FECH: variants seen among roughly 807,000 people sequenced by gnomAD.
FECH encodes the protein ferrochelatase, also known as ferrochelatase, mitochondrial.
Under a neutral mutation model 56.9 loss-of-function variants are expected in FECH, and 40 were observed. That is an observed-to-expected ratio of 0.70 (90% CI 0.55 to 0.92). The LOEUF is 0.92. FECH is among the 40% of genes least tolerant of loss of function. The pLI is 0.00. For missense variants in FECH, 431 were observed against 529.1 expected (o/e 0.81, Z 1.82); for synonymous variants, 175 against 198.6 (o/e 0.88, Z 1.00).
At chr18:57,569,250 A>G (rs2051061516) in intron 4 of FECH, among the ~76,000 whole-genome samples, 1 of 152,232 alleles carries the variant, frequency 6.6e-6, no homozygotes, top group Non-Finnish European at 1.5e-5. Context: ...ACATTTCTGC[A>G]ATGCAATGTA....
At chr18:57,557,555 G>A (rs1235506381) in intron 7 of FECH, among the ~76,000 whole-genome samples, 2 of 152,186 alleles carry the variant, frequency 1.3e-5, no homozygotes, top group African/African-American at 2.4e-5. Flanking sequence ...TGTGATCCCA[G>A]CACTTTGGGA....
At chr18:57,564,316 T>C (rs1459791946) in intron 5 of FECH, among the ~76,000 whole-genome samples, 2 of 152,124 alleles carry the variant, frequency 1.3e-5, no homozygotes, top group Non-Finnish European at 1.5e-5. Context: ...AAGAGAGAGA[T>C]GGAAATCATG....
At chr18:57,565,179 G>T (rs1162218569) in intron 5 of FECH, among the ~76,000 whole-genome samples, 10 of 152,210 alleles carry the variant, frequency 6.6e-5, no homozygotes, top group African/African-American at 2.2e-4. Context: ...TGTGAGAGCA[G>T]CCATTTACAT....
chr18:57,551,424 C>CT (rs57800921), intron 9 of FECH, 50 bp from the exon 10 acceptor site: 1,294 of 1,396,084 alleles, frequency 9.3e-4, no homozygotes, highest in Non-Finnish European at 1.1e-3. Context: ...TTTTATTTTC[C>CT]TTTTTTTTTC....
At chr18:57,575,492 G>C (rs1381140894) in intron 2 of FECH, among the ~76,000 whole-genome samples, 1 of 152,074 alleles carries the variant, frequency 6.6e-6, no homozygotes, top group African/African-American at 2.4e-5. Context: ...ACCCAGGCTG[G>C]AGTGCAGTTG....
At position 57,545,966 on chromosome 18, in the gene FECH, TG is replaced by T. The variant is rs1205267400; in HGVS notation, c.*4745del. Among the ~76,000 whole-genome samples, 1 of 152,202 alleles carries T rather than the reference TG, an allele frequency of 6.6e-6. No homozygotes were observed. Among genetic ancestry groups the T allele is most frequent in the East Asian group, 1.9e-4 (1 of 5,198 alleles). On this transcript the variant is annotated 3_prime_UTR_variant, in exon 11 of 11. Coordinates refer to ENST00000262093, the MANE Select transcript of FECH (RefSeq NM_000140.5). ...TTGTCCTTCTATATTGGCAGGGAATTGGTTCCAGGATCCCCCACAGATACTA... is the reference window on the plus strand; with the variant it reads ...TTGTCCTTCTATATTGGCAGGGAATTGTTCCAGGATCCCCCACAGATACTA...
chr18:57,562,840 T>C, intron 6 of FECH, 34 bp downstream of exon 6: 1 of 1,547,544 alleles, frequency 6.5e-7, no homozygotes, highest in Non-Finnish European at 8.9e-7. Context: ...CACTAGATGC[T>C]GGGGTGACAG....
In FECH at chr18:57,550,829, C is replaced by T. The variant is rs756233332; in HGVS notation, c.1155G>A (p.Val385=). ...GCTCGTTTGACTGGATGTGTGAATGCACCAAGTCGGCCAGGGCCTGGAAGA... is the reference window on the plus strand; with the variant it reads ...GCTCGTTTGACTGGATGTGTGAATGTACCAAGTCGGCCAGGGCCTGGAAGA... ...PLFSKALADL[V]HSHIQSNELC... The change falls in exon 11 of 11, where the codon GTG becomes GTA. Residue 385 remains valine (V), a synonymous_variant. Transcript: ENST00000262093. 12 of 1,613,948 alleles carry T rather than the reference C, an allele frequency of 7.4e-6. No homozygotes were observed. The highest frequency in any genetic ancestry group is 1.0e-5 in the Non-Finnish European group (12 of 1,180,032).
At chr18:57,560,107 T>G (rs2050922792) in intron 6 of FECH, among the ~76,000 whole-genome samples, 4 of 152,258 alleles carry the variant, frequency 2.6e-5, no homozygotes. Flanking sequence ...GAATGTAAAT[T>G]AAGTAAAAGT....
In FECH at chr18:57,584,168, G is replaced by C. The variant is rs565626875; in HGVS notation, c.67+2386C>G. Among the ~76,000 whole-genome samples, 264 of 118,074 alleles carry C rather than the reference G, an allele frequency of 2.2e-3. 2 individuals are homozygous for C. The highest frequency in any genetic ancestry group is 7.7e-3 in the African/African-American group (236 of 30,508). 77.5% of individuals were successfully genotyped at this position (118,074 alleles called of 152,430 possible). A position where few individuals can be genotyped will look rare whatever the true frequency, so the allele number is the denominator to read the frequency against. ...GCACTCCAGCCTGTCGACAGAGCGA[G>C]ACTCCGTCTCAAAAAAAAAAAAAAA... is the stretch of plus-strand genomic sequence containing the variant. On this transcript the variant is annotated intron_variant, in intron 1 of 10. Transcript: ENST00000262093.
intron 2 of FECH, 128 bp from the exon 3 acceptor site, chr18:57,573,493 C>T (rs1449635594): frequency 3.7e-6 from 4 of 1,072,860 alleles, no homozygotes; most frequent in Non-Finnish European, 5.7e-6. Context: ...CTTTTCACTG[C>T]CGTCACACAG....
At chr18:57,573,123 T>C in intron 3 of FECH, 123 bp downstream of exon 3, 1 of 991,824 alleles carries the variant, frequency 1.0e-6, no homozygotes. Context: ...CAGAAAACAA[T>C]GCTGCTGTTT....
intron 5 of FECH, among the ~76,000 whole-genome samples, chr18:57,564,083 G>A (rs568772671): frequency 3.9e-4 from 59 of 152,218 alleles, no homozygotes; most frequent in African/African-American, 1.4e-3. Flanking sequence ...TCTCCATGTT[G>A]GTCAGGCTGG....
chr18:57,582,151 G>C (rs753457045), intron 1 of FECH, among the ~76,000 whole-genome samples: 1 of 152,068 alleles, frequency 6.6e-6, no homozygotes, highest in Non-Finnish European at 1.5e-5. Flanking sequence ...AGATTGTATC[G>C]GATTCCATGG....
At chr18:57,554,187 C>T (rs551800363) in intron 9 of FECH, 73 bp downstream of exon 9, 2 of 1,471,886 alleles carry the variant, frequency 1.4e-6, no homozygotes, top group African/African-American at 1.4e-5. Flanking sequence ...CTGAATGATA[C>T]ATTAGTTAGT....
intron 2 of FECH, 101 bp from the exon 3 acceptor site, chr18:57,573,466 AG>A (rs1275560590): frequency 1.3e-5 from 18 of 1,378,264 alleles, no homozygotes; most frequent in Non-Finnish European, 1.7e-5. Context: ...TTCCATACAA[AG>A]GTAAATACTA....
chr18:57,550,554 G>T lies in FECH; in HGVS notation c.*158C>A. 1 of 790,680 alleles carries T rather than the reference G, an allele frequency of 1.3e-6. No individual in the cohort carries two copies. The highest frequency in any genetic ancestry group is 2.0e-6 in the Non-Finnish European group (1 of 499,042). The allele number at this position is 790,680 out of a possible 1,614,324, so 49.0% of individuals were successfully genotyped here. ...ATATAAAAATAGAAATCCATCAAGA[G>T]TCCAATCCTCAAGAAACCACACAAT... On this transcript the variant is annotated 3_prime_UTR_variant, in exon 11 of 11. Transcript: ENST00000262093.
rs141888884 is a variant in FECH, at chr18:57,554,864, C to T, written c.893G>A (p.Arg298Gln). ...ACTTACCTTGGATTGCCACACCAGTCGGTAGGGGTTGCAGTACTCCAGCCT... is the reference window on the plus strand; with the variant it reads ...ACTTACCTTGGATTGCCACACCAGTTGGTAGGGGTTGCAGTACTCCAGCCT... ...MERLEYCNPY[R>Q]LVWQSKVGPM... is the part of the protein sequence containing the mutation. Residue 298 changes from arginine to glutamine, a missense_variant, in exon 8 of 11, where the codon CGA becomes CAA. Coordinates refer to ENST00000262093, the MANE Select transcript of FECH (RefSeq NM_000140.5). The T allele has an allele frequency of 1.9e-6, 3 of 1,613,968 alleles. No homozygotes were observed. The highest frequency in any genetic ancestry group is 1.1e-5 in the South Asian group (1 of 91,056).
intron 9 of FECH, 44 bp from the exon 10 acceptor site, chr18:57,551,418 A>C (rs1555679224): frequency 3.3e-6 from 5 of 1,513,796 alleles, no homozygotes; most frequent in Non-Finnish European, 4.6e-6. Context: ...GATATATTTT[A>C]TTTTCCTTTT....
Sources: allele counts gnomAD v4.1 joint callset (sites outside exome capture counted in the v4.1 genomes callset), GRCh38; gene constraint gnomAD v4.1.1; transcripts MANE v1.5; gene names NCBI Gene and HGNC (gene_info 2026-07-23, HGNC 2026-07-21).